Variants in SGCZ observed in about 807,000 individuals in gnomAD.
SGCZ encodes the protein sarcoglycan zeta.
A neutral mutation model predicts 41.3 loss-of-function variants in SGCZ; 40 were observed. That is an observed-to-expected ratio of 0.97 (90% CI 0.75 to 1.26). SGCZ has a LOEUF of 1.26. SGCZ is among the 50% of genes most tolerant of loss of function. The pLI is 0.00. For synonymous variants in SGCZ, 206 were observed against 137.5 expected, an observed-to-expected ratio of 1.50 and a Z score of -3.49; for missense variants, 552 against 369.8, an observed-to-expected ratio of 1.49 and a Z score of -4.04.
chr8:14,529,335 T>C lies in SGCZ; in HGVS notation c.234+25397A>G, dbSNP rs142803207. Among the ~76,000 whole-genome samples the C allele has an allele frequency of 5.3e-5, 8 of 152,298 alleles. No individual in the cohort carries two copies. The South Asian group carries it at 6.2e-4, about 12-fold the overall frequency. On this transcript the variant is annotated intron_variant, in intron 2 of 7. Transcript: ENST00000382080. ...CTTGACTCCTTCTACTTATATGCCC[T>C]GTATTCCTGCTGACTACAATTTTAC...
chr8:14,838,910 A>G (rs1325913727), intron 1 of SGCZ, among the ~76,000 whole-genome samples: 2 of 152,260 alleles, frequency 1.3e-5, no homozygotes, highest in African/African-American at 4.8e-5. Context: ...GGTTAGAAGT[A>G]GGAGACTCAG....
At chr8:14,493,051 C>CA (rs1801886827) in intron 2 of SGCZ, among the ~76,000 whole-genome samples, 1 of 152,002 alleles carries the variant, frequency 6.6e-6, no homozygotes, top group African/African-American at 2.4e-5. Context: ...ATTGTCTCTC[C>CA]AAAAAATGTT....
chr8:14,845,827 A>C (rs1803081998), intron 1 of SGCZ, among the ~76,000 whole-genome samples: 1 of 152,164 alleles, frequency 6.6e-6, no homozygotes, highest in South Asian at 2.1e-4. Flanking sequence ...AAAAGATAAA[A>C]AGTCAGATAT....
At chr8:14,699,754 C>A (rs1322858852) in intron 1 of SGCZ, among the ~76,000 whole-genome samples, 4 of 151,672 alleles carry the variant, frequency 2.6e-5, no homozygotes, top group Non-Finnish European at 4.4e-5. Flanking sequence ...CGTAAGGAAC[C>A]TAAAAATTTC....
At chr8:15,075,895 A>G (rs754514771) in intron 1 of SGCZ, among the ~76,000 whole-genome samples, 8 of 152,118 alleles carry the variant, frequency 5.3e-5, no homozygotes, top group Non-Finnish European at 7.4e-5. Context: ...ACTGATAAGT[A>G]CTAGGCAGAA....
At chr8:14,917,769 G>GA (rs983247235) in intron 1 of SGCZ, among the ~76,000 whole-genome samples, 34 of 151,554 alleles carry the variant, frequency 2.2e-4, no homozygotes, top group African/African-American at 4.1e-4. Flanking sequence ...TCTTCATTTG[G>GA]AAAAAAAACT....
intron 3 of SGCZ, among the ~76,000 whole-genome samples, chr8:14,248,314 C>G (rs1585277470): frequency 6.6e-6 from 1 of 152,230 alleles, no homozygotes; most frequent in South Asian, 2.1e-4. Flanking sequence ...CTACTGGCTA[C>G]CATGATCTTA....
chr8:14,449,483 C>A (rs1800529306), intron 2 of SGCZ, among the ~76,000 whole-genome samples: 1 of 152,148 alleles, frequency 6.6e-6, no homozygotes, highest in Non-Finnish European at 1.5e-5. Context: ...TGCTACCATA[C>A]ACTTAATGAC....
intron 1 of SGCZ, among the ~76,000 whole-genome samples, chr8:15,144,466 A>G (rs960122465): frequency 9.3e-5 from 14 of 149,864 alleles, no homozygotes; most frequent in Non-Finnish European, 1.3e-4. Context: ...GCAGGTTGAC[A>G]TTCACTTTTT....
chr8:14,406,942 G>A (rs1016794878), intron 2 of SGCZ, among the ~76,000 whole-genome samples: 58 of 152,054 alleles, frequency 3.8e-4, no homozygotes, highest in East Asian at 7.7e-4. Flanking sequence ...TCACTGGCTC[G>A]CTTTAGAATT....
chr8:15,054,823 AT>A (rs1305037932), intron 1 of SGCZ, among the ~76,000 whole-genome samples: 1 of 151,646 alleles, frequency 6.6e-6, no homozygotes, highest in Non-Finnish European at 1.5e-5. Flanking sequence ...TTAGCCGGGC[AT>A]TCTGGCGGGC....
Position 15,237,764 on chromosome 8 carries a change from G to T in SGCZ, c.-141C>A. 1.4e-6 allele frequency: 1 copy of T among 712,978 alleles called. No homozygotes were observed. 44.2% of individuals were successfully genotyped at this position (712,978 alleles called of 1,614,324 possible). On this transcript the variant is annotated 5_prime_UTR_variant, in exon 1 of 8. Transcript: ENST00000382080. ...TCTCAGTCTCATTCTCCGTGGTCAC[G>T]CCGCCTCCACCGGGTTAAAAATAAG...
Position 14,090,367 on chromosome 8 carries a change from A to C in SGCZ, c.*76T>G. Reference sequence around the variant, plus strand: ...TCGAAGAAGCTCTGGACTGATCACAAGGGAAACCGAGCAGAACTGTGAAGC... The same window carrying C: ...TCGAAGAAGCTCTGGACTGATCACACGGGAAACCGAGCAGAACTGTGAAGC... On this transcript the variant is annotated 3_prime_UTR_variant, in exon 8 of 8. Coordinates refer to ENST00000382080, the MANE Select transcript of SGCZ (RefSeq NM_139167.4). The C allele has an allele frequency of 2.0e-6, 3 of 1,500,534 alleles. No homozygotes were observed. The highest frequency in any genetic ancestry group is 2.7e-6 in the Non-Finnish European group (3 of 1,112,780). The allele number at this position is 1,500,534 out of a possible 1,614,324, so 93.0% of individuals were successfully genotyped here.
At chr8:14,976,844 T>C (rs536379278) in intron 1 of SGCZ, among the ~76,000 whole-genome samples, 1 of 152,206 alleles carries the variant, frequency 6.6e-6, no homozygotes, top group African/African-American at 2.4e-5. Flanking sequence ...AAAGTGTAGA[T>C]AGGCCAAGTT....
chr8:14,431,026 G>T (rs1799928875), intron 2 of SGCZ, among the ~76,000 whole-genome samples: 1 of 152,110 alleles, frequency 6.6e-6, no homozygotes. Context: ...ACAAAACACT[G>T]CTGAAAGACA....
chr8:14,239,264 C>G (rs1327424982), intron 3 of SGCZ, among the ~76,000 whole-genome samples: 1 of 151,390 alleles, frequency 6.6e-6, no homozygotes, highest in African/African-American at 2.4e-5. Flanking sequence ...CACACACACA[C>G]ACACACACAC....
At chr8:14,849,086 A>G (rs1803231021) in intron 1 of SGCZ, among the ~76,000 whole-genome samples, 1 of 152,190 alleles carries the variant, frequency 6.6e-6, no homozygotes, top group Non-Finnish European at 1.5e-5. Context: ...GATGTGCAAC[A>G]TCATTATTTA....
At chr8:14,809,911 G>A (rs1433039126) in intron 1 of SGCZ, among the ~76,000 whole-genome samples, 1 of 152,062 alleles carries the variant, frequency 6.6e-6, no homozygotes, top group Non-Finnish European at 1.5e-5. Context: ...ACTATTTACA[G>A]CTGATTAGAT....
rs866179664 is a variant in SGCZ at position 14,087,951 on chromosome 8, C to T, written c.*2492G>A. On this transcript the variant is annotated 3_prime_UTR_variant, in exon 8 of 8. Coordinates refer to ENST00000382080, the MANE Select transcript of SGCZ (RefSeq NM_139167.4). ...ACCGATTTGTTATATCATCTGGATA[C>T]AGTCTAAAGCTCTCAAGCTTGTAAG... 2.0e-5 allele frequency among the ~76,000 whole-genome samples: 3 copies of T among 151,706 alleles called. No homozygotes were observed. The highest frequency in any genetic ancestry group is 4.4e-5 in the Non-Finnish European group (3 of 67,784).
Sources: gnomAD v4.1 joint callset for allele counts (sites outside exome capture counted in the v4.1 genomes callset) on GRCh38, gnomAD v4.1.1 for gene constraint, MANE v1.5 for transcripts, NCBI Gene and HGNC (gene_info 2026-07-23, HGNC 2026-07-21) for gene names.